Variants in C1orf146 observed in about 807,000 individuals in gnomAD.
C1orf146 encodes the protein chromosome 1 open reading frame 146.
C1orf146 carries 22 observed loss-of-function variants against 23.0 expected under a neutral mutation model. The ratio of observed to expected loss-of-function variants is 0.96; its 90% CI spans 0.68 to 1.36. The LOEUF (loss-of-function observed/expected upper bound fraction) is 1.36. Ranked by LOEUF, C1orf146 falls within the 40% of genes most tolerant of loss-of-function variation. The probability of loss-of-function intolerance (pLI) is 0.00; values close to 1 mark genes in which losing one functional copy is unlikely to be tolerated. For synonymous variants in C1orf146, 59 were observed against 65.3 expected, an observed-to-expected ratio of 0.90 and a Z score of 0.47; for missense variants, 199 against 206.8, an observed-to-expected ratio of 0.96 and a Z score of 0.23.
chr1:92,235,429 T>A (rs1381398520), intron 2 of C1orf146, among the ~76,000 whole-genome samples: 3 of 152,142 alleles, frequency 2.0e-5, no homozygotes, highest in Non-Finnish European at 4.4e-5. Flanking sequence ...TTTGAGTGAG[T>A]TTCTTAATCC....
At chr1:92,229,761 G>A (rs1570789837) in intron 1 of C1orf146, among the ~76,000 whole-genome samples, 1 of 149,648 alleles carries the variant, frequency 6.7e-6, no homozygotes, top group African/African-American at 2.6e-5. Context: ...TCACAAACAG[G>A]TAGAAAATAC....
rs753914320 is a variant in C1orf146 at position 92,244,834 on chromosome 1, A to C, written c.385A>C (p.Asn129His). ...AGTACACAACACAGTAAATGCTATT[A>C]ATCTTATGTGCACTATAGCAAAGGT... is the stretch of plus-strand genomic sequence containing the variant. ...LPVHNTVNAI[N>H]LMCTIAKTTS... is the part of the protein sequence containing the mutation. The change falls in exon 5 of 6, where the codon AAT becomes CAT. Residue 129 changes from asparagine (N) to histidine (H), a missense_variant. By Grantham distance (68) the Asn-to-His change is moderately conservative. Transcript: ENST00000370375. 1.9e-6 allele frequency: 3 copies of C among 1,605,626 alleles called. No individual in the cohort carries two copies. The highest frequency in any genetic ancestry group is 1.7e-5 in the Admixed American group (1 of 59,966).
At chr1:92,223,596 G>A (rs1045998340) in intron 1 of C1orf146, among the ~76,000 whole-genome samples, 2 of 152,032 alleles carry the variant, frequency 1.3e-5, no homozygotes, top group Admixed American at 6.6e-5. Context: ...ACAATGGCAC[G>A]ATCTCAGCTC....
intron 5 of C1orf146, 90 bp downstream of exon 5, chr1:92,244,947 T>C (rs1652551850): frequency 2.7e-6 from 2 of 747,114 alleles, no homozygotes; most frequent in Admixed American, 4.1e-5. Flanking sequence ...GACTGGCAAA[T>C]ATCATGCTTC....
chr1:92,241,890 ATC>A (rs912455586), intron 2 of C1orf146, among the ~76,000 whole-genome samples: 3 of 152,166 alleles, frequency 2.0e-5, no homozygotes, highest in Non-Finnish European at 4.4e-5. Flanking sequence ...GTGAGACTTC[ATC>A]TGTCTCTAAA....
At chr1:92,245,224 C>CT (rs1570801901) in intron 5 of C1orf146, among the ~76,000 whole-genome samples, 1 of 152,294 alleles carries the variant, frequency 6.6e-6, no homozygotes, top group East Asian at 1.9e-4. Context: ...TCTTTTCTTG[C>CT]TTTTTGTCCT....
rs145906213 is a variant in C1orf146 at position 92,220,412 on chromosome 1, T to C, written c.-40+2364T>C. ...ATGCATCATTAGGTGATTTTGTCAT[T>C]GTGAGAACATCATAGAGTGTAATTA... is the stretch of plus-strand genomic sequence containing the variant. On this transcript the variant is annotated intron_variant, in intron 1 of 5. Coordinates refer to ENST00000370375, the MANE Select transcript of C1orf146 (RefSeq NM_001012425.2). Among the ~76,000 whole-genome samples the C allele has an allele frequency of 5.0e-3, 754 of 152,306 alleles. 1 individual carries two copies. Among genetic ancestry groups the C allele is most frequent in the Non-Finnish European group, 8.8e-3 (598 of 68,036 alleles).
chr1:92,242,840 G>GA (rs996451349), intron 3 of C1orf146, among the ~76,000 whole-genome samples: 2 of 152,164 alleles, frequency 1.3e-5, no homozygotes, highest in Non-Finnish European at 1.5e-5. Flanking sequence ...GGGAAGGGGG[G>GA]AGGTCCACCT....
At chr1:92,226,102 C>T (rs996449883) in intron 1 of C1orf146, among the ~76,000 whole-genome samples, 4 of 152,094 alleles carry the variant, frequency 2.6e-5, no homozygotes, top group African/African-American at 9.7e-5. Context: ...GAGGTACAAC[C>T]GTCACCACTA....
intron 1 of C1orf146, 121 bp from the exon 2 acceptor site, chr1:92,231,261 G>A (rs1652113020): frequency 1.8e-6 from 1 of 544,510 alleles, no homozygotes; most frequent in Non-Finnish European, 3.2e-6. Context: ...TTTTTCTGTT[G>A]TCAAATTTTG....
At chr1:92,220,640 G>T (rs775026053) in intron 1 of C1orf146, among the ~76,000 whole-genome samples, 2 of 152,162 alleles carry the variant, frequency 1.3e-5, no homozygotes, top group Non-Finnish European at 2.9e-5. Flanking sequence ...GTCCATTGTT[G>T]ACTGAACAGT....
chr1:92,229,007 G>A (rs1030199016), intron 1 of C1orf146: 2 of 469,450 alleles, frequency 4.3e-6, no homozygotes, highest in Non-Finnish European at 8.4e-6. Flanking sequence ...TCTGCTCACA[G>A]TCTATTTAGA....
intron 1 of C1orf146, among the ~76,000 whole-genome samples, chr1:92,228,271 A>G (rs1179319307): frequency 6.6e-6 from 1 of 152,140 alleles, no homozygotes; most frequent in African/African-American, 2.4e-5. Context: ...TCCAATTGTC[A>G]TATACTGCTT....
At chr1:92,234,424 C>G (rs1034642820) in intron 2 of C1orf146, among the ~76,000 whole-genome samples, 2 of 152,056 alleles carry the variant, frequency 1.3e-5, no homozygotes, top group African/African-American at 4.8e-5. Flanking sequence ...TATTGATTTG[C>G]GTATATTGAA....
intron 2 of C1orf146, among the ~76,000 whole-genome samples, chr1:92,236,647 T>C (rs975226899): frequency 6.6e-6 from 1 of 152,190 alleles, no homozygotes; most frequent in Non-Finnish European, 1.5e-5. Context: ...TGAATCTGAA[T>C]GTTGGCCTGC....
At position 92,242,218 on chromosome 1, in the gene C1orf146, G is replaced by T. The variant is rs1652448646; in HGVS notation, c.73G>T (p.Glu25Ter). The part of the protein sequence containing the change: ...IIISSSLKSY[E>*]VATALENRSH... ...CTGATATTTTTTAAAAAAGAGTTAT[G>T]AAGTTGCAACTGCCCTAGAAAATCG... The change falls in exon 3 of 6, where the codon GAA becomes TAA. Residue 25 changes from glutamate to a stop codon, truncating the protein, a stop_gained. Transcript: ENST00000370375. LOFTEE classifies it high-confidence loss of function. 1 of 1,570,330 alleles carries T rather than the reference G, an allele frequency of 6.4e-7. No homozygotes were observed. Among genetic ancestry groups the T allele is most frequent in the African/African-American group, 1.4e-5 (1 of 73,662 alleles).
intron 1 of C1orf146, among the ~76,000 whole-genome samples, chr1:92,230,588 C>T (rs1395966896): frequency 6.6e-6 from 1 of 151,182 alleles, no homozygotes; most frequent in Non-Finnish European, 1.5e-5. Context: ...TGCACTCCAG[C>T]CTGGGCAACA....
At chr1:92,219,479 A>C (rs538312038) in intron 1 of C1orf146, among the ~76,000 whole-genome samples, 1 of 147,572 alleles carries the variant, frequency 6.8e-6, no homozygotes, top group Non-Finnish European at 1.5e-5. Context: ...ACCATCACTG[A>C]AAGTGACTTT....
At chr1:92,239,134 C>A (rs1344769392) in intron 2 of C1orf146, among the ~76,000 whole-genome samples, 1 of 152,018 alleles carries the variant, frequency 6.6e-6, no homozygotes, top group East Asian at 1.9e-4. Context: ...AGTTCTTTGC[C>A]AAAATTCTCA....
Sources: gnomAD v4.1 joint callset for allele counts (sites outside exome capture counted in the v4.1 genomes callset) on GRCh38, gnomAD v4.1.1 for gene constraint, MANE v1.5 for transcripts, NCBI Gene and HGNC (gene_info 2026-07-23, HGNC 2026-07-21) for gene names.